The following MSH3 variants were observed in gnomAD, a reference collection of about 807,000 sequenced individuals.
MSH3 encodes the protein DNA mismatch repair protein Msh3.
In MSH3, 106 loss-of-function variants were observed where a neutral mutation model predicts 123.3. The ratio of observed to expected loss-of-function variants is 0.86; its 90% CI spans 0.73 to 1.01. The LOEUF is 1.01. Among genes scored for constraint, MSH3 ranks in the 50% least tolerant of loss-of-function variants. MSH3 has a pLI of 0.00. For synonymous variants in MSH3, 515 were observed against 481.4 expected, an observed-to-expected ratio of 1.07 and a Z score of -0.91; for missense variants, 1,459 against 1,347.6, an observed-to-expected ratio of 1.08 and a Z score of -1.29.
chr5:80,691,680 T>C (rs1750256865), intron 8 of MSH3, among the ~76,000 whole-genome samples: 3 of 150,300 alleles, frequency 2.0e-5, no homozygotes, highest in Admixed American at 2.0e-4. Context: ...CAATAATAAG[T>C]AAGACAGCAC....
At chr5:80,801,595 A>G (rs1478580267) in intron 19 of MSH3, among the ~76,000 whole-genome samples, 1 of 152,164 alleles carries the variant, frequency 6.6e-6, no homozygotes, top group African/African-American at 2.4e-5. Context: ...ATCTGTCTCT[A>G]CAACAGTATC....
At chr5:80,847,141 C>T (rs1745738927) in intron 20 of MSH3, among the ~76,000 whole-genome samples, 1 of 152,104 alleles carries the variant, frequency 6.6e-6, no homozygotes, top group Non-Finnish European at 1.5e-5. Context: ...CTCACTGTAA[C>T]CTCTGCCTCC....
chr5:80,714,890 C>T (rs1750928333), intron 8 of MSH3, among the ~76,000 whole-genome samples: 1 of 152,148 alleles, frequency 6.6e-6, no homozygotes, highest in Admixed American at 6.5e-5. Flanking sequence ...AAGAACTTTG[C>T]AGTAGTTAGT....
intron 10 of MSH3, among the ~76,000 whole-genome samples, chr5:80,738,852 A>G (rs1020133445): frequency 6.6e-6 from 1 of 152,206 alleles, no homozygotes; most frequent in Non-Finnish European, 1.5e-5. Flanking sequence ...ATGAGGGCAG[A>G]TCGTTTGTAA....
At chr5:80,704,129 A>G (rs1018568621) in intron 8 of MSH3, among the ~76,000 whole-genome samples, 6 of 152,260 alleles carry the variant, frequency 3.9e-5, no homozygotes, top group Middle Eastern at 3.4e-3. Flanking sequence ...TCCGGGGTCT[A>G]TCAGCACTGG....
intron 18 of MSH3, among the ~76,000 whole-genome samples, chr5:80,792,234 T>C (rs1744619961): frequency 6.6e-6 from 1 of 151,970 alleles, no homozygotes; most frequent in South Asian, 2.1e-4. Context: ...CAGACAACAA[T>C]AGAAAAATGA....
At chr5:80,669,019 A>G (rs999275224) in intron 3 of MSH3, among the ~76,000 whole-genome samples, 5 of 152,234 alleles carry the variant, frequency 3.3e-5, no homozygotes, top group Non-Finnish European at 5.9e-5. Context: ...TGCCATTGCC[A>G]TCATAATGAC....
intron 10 of MSH3, among the ~76,000 whole-genome samples, chr5:80,733,956 A>T (rs1305305987): frequency 1.3e-5 from 2 of 152,184 alleles, no homozygotes; most frequent in Non-Finnish European, 1.5e-5. Flanking sequence ...ACTAGATGTT[A>T]CTTAAGACAA....
chr5:80,774,823 G>A (rs777420309), intron 15 of MSH3, among the ~76,000 whole-genome samples: 2 of 152,154 alleles, frequency 1.3e-5, no homozygotes, highest in Non-Finnish European at 1.5e-5. Context: ...GGTAGTGGTA[G>A]TGGGGGTGGA....
At position 80,791,724 on chromosome 5, in the gene MSH3, GTT is replaced by G. The variant is rs1744609489; in HGVS notation, c.2544-1008_2544-1007del. The stretch of plus-strand genomic sequence containing the variant: ...TCTATTTTTTGTGTGTGTACTGAGA[GTT>G]AAAATAAACTTTGAATTTTTTAAGT... On this transcript the variant is annotated intron_variant, in intron 18 of 23. Transcript: ENST00000265081. 2.6e-5 allele frequency among the ~76,000 whole-genome samples: 4 copies of G among 152,266 alleles called. No homozygotes were observed. In the South Asian group the frequency reaches 8.3e-4, roughly 32 times the overall value.
rs181187494 is a variant in MSH3 at position 80,758,917 on chromosome 5, A to C, written c.1764-2629A>C. Among the ~76,000 whole-genome samples, 312 of 152,320 alleles carry C rather than the reference A, an allele frequency of 2.0e-3. 2 individuals carry two copies. The highest frequency in any genetic ancestry group is 7.2e-3 in the African/African-American group (300 of 41,584). On this transcript the variant is annotated intron_variant, in intron 12 of 23. Coordinates refer to ENST00000265081, the MANE Select transcript of MSH3 (RefSeq NM_002439.5). The stretch of plus-strand genomic sequence containing the variant: ...CTCAAACCATCTGTAGCATCAACTT[A>C]GTCTATTCCAATTGGTGTCATCTTT...
In MSH3 at chr5:80,876,529, T is replaced by C. The variant is rs1241425194; in HGVS notation, c.*667T>C. ...CTGTAGTCCCAGCTACTCCGGAGGC[T>C]GAGGCAGGAGAATCTCTTGAACCTG... On this transcript the variant is annotated 3_prime_UTR_variant, in exon 24 of 24. Coordinates refer to ENST00000265081, the MANE Select transcript of MSH3 (RefSeq NM_002439.5). 1 of 152,712 alleles carries C rather than the reference T, an allele frequency of 6.5e-6. No individual in the cohort carries two copies. Among genetic ancestry groups the C allele is most frequent in the African/African-American group, 2.4e-5 (1 of 41,168 alleles). The allele number at this position is 152,712 out of a possible 1,614,324, so 9.5% of individuals were successfully genotyped here. A position where few individuals can be genotyped will look rare whatever the true frequency, so the allele number is the denominator to read the frequency against.
intron 10 of MSH3, among the ~76,000 whole-genome samples, chr5:80,737,101 A>T (rs1488622079): frequency 6.6e-6 from 1 of 152,218 alleles, no homozygotes; most frequent in Non-Finnish European, 1.5e-5. Flanking sequence ...TTACAGATCA[A>T]TTATAAGTGA....
At chr5:80,852,871 T>C (rs144273697) in intron 20 of MSH3, among the ~76,000 whole-genome samples, 12 of 152,306 alleles carry the variant, frequency 7.9e-5, no homozygotes, top group African/African-American at 2.4e-4. Flanking sequence ...GTGAAGTATG[T>C]GTCCTATTTT....
At chr5:80,723,914 T>C (rs1227628867) in intron 8 of MSH3, among the ~76,000 whole-genome samples, 1 of 152,054 alleles carries the variant, frequency 6.6e-6, no homozygotes, top group Non-Finnish European at 1.5e-5. Flanking sequence ...AGGCATGTGC[T>C]ACCGTGCCTG....
chr5:80,813,672 T>G lies in MSH3; in HGVS notation c.2744T>G (p.Met915Arg), dbSNP rs1745048752. The change falls in exon 20 of 24, where the codon ATG (methionine) becomes AGG (arginine). Residue 915 changes from methionine to arginine, a missense_variant. Coordinates refer to ENST00000265081, the MANE Select transcript of MSH3 (RefSeq NM_002439.5). ...YIKQVALITI[M>R]AQIGSYVPAE... ...AAACAAGTTGCATTGATTACCATCA[T>G]GGCTCAGATTGGCTCCTATGTTCCT... is the stretch of plus-strand genomic sequence containing the variant. 2 of 1,614,174 alleles carry G rather than the reference T, an allele frequency of 1.2e-6. No individual in the cohort carries two copies. Among genetic ancestry groups the G allele is most frequent in the East Asian group, 4.5e-5 (2 of 44,874 alleles).
intron 20 of MSH3, among the ~76,000 whole-genome samples, chr5:80,847,113 G>A (rs2112098265): frequency 6.6e-6 from 1 of 152,188 alleles, no homozygotes; most frequent in East Asian, 1.9e-4. Flanking sequence ...AGTCTGGAGT[G>A]CAGTGGTGCA....
In MSH3 at chr5:80,864,860, A is replaced by G. The variant is rs1297234503; in HGVS notation, c.3048A>G (p.Glu1016=). The change falls in exon 22 of 24, where the codon GAA becomes GAG. Residue 1016 remains glutamate (E), a synonymous_variant. Transcript: ENST00000265081. The stretch of plus-strand genomic sequence containing the variant: ...TCACCCATTATCCGCCAGTTTGTGA[A>G]CTAGAAAAAAATTACTCACACCAGG... ...LFVTHYPPVC[E]LEKNYSHQVG... 3.7e-6 allele frequency: 6 copies of G among 1,613,604 alleles called. No individual in the cohort carries two copies. Among genetic ancestry groups the G allele is most frequent in the Non-Finnish European group, 5.1e-6 (6 of 1,179,538 alleles).
intron 2 of MSH3, among the ~76,000 whole-genome samples, chr5:80,662,510 A>C (rs568804646): frequency 6.6e-6 from 1 of 152,308 alleles, no homozygotes; most frequent in South Asian, 2.1e-4. Flanking sequence ...AGTCAAATAA[A>C]ATATAGGGAC....
Sources: allele counts gnomAD v4.1 joint callset (sites outside exome capture counted in the v4.1 genomes callset), GRCh38; gene constraint gnomAD v4.1.1; transcripts MANE v1.5; gene names NCBI Gene and HGNC (gene_info 2026-07-23, HGNC 2026-07-21).